Variants in TGM2 observed in about 807,000 individuals in gnomAD.
The protein encoded by TGM2 is protein-glutamine gamma-glutamyltransferase 2.
A neutral mutation model predicts 75.6 loss-of-function variants in TGM2; 53 were observed. That is an observed-to-expected ratio of 0.70 (90% CI 0.56 to 0.88). The LOEUF (loss-of-function observed/expected upper bound fraction) is 0.88, where lower values mean the gene tolerates loss of function less well. TGM2 is among the 40% of genes least tolerant of loss of function. The probability of loss-of-function intolerance (pLI) is 0.00; values close to 1 mark genes in which losing one functional copy is unlikely to be tolerated. For missense variants in TGM2, 842 were observed against 928.5 expected (o/e 0.91, Z 1.21); for synonymous variants, 374 against 381.1 (o/e 0.98, Z 0.22).
At chr20:38,136,623 T>G (rs1331821642) in intron 10 of TGM2, among the ~76,000 whole-genome samples, 1 of 152,206 alleles carries the variant, frequency 6.6e-6, no homozygotes, top group Non-Finnish European at 1.5e-5. Context: ...GACGATGTCC[T>G]ACTTGATTCC....
At chr20:38,138,898 A>G (rs774789238) in intron 9 of TGM2, among the ~76,000 whole-genome samples, 2 of 151,804 alleles carry the variant, frequency 1.3e-5, no homozygotes, top group East Asian at 3.9e-4. Flanking sequence ...TGTTGGGTGC[A>G]TATCTATTTA....
chr20:38,165,993 C>G (rs946933401), upstream of TGM2, among the ~76,000 whole-genome samples: 1 of 125,894 alleles, frequency 7.9e-6, no homozygotes, highest in Non-Finnish European at 1.9e-5. Flanking sequence ...ACACAGACCT[C>G]CTAGACACCA....
intron 8 of TGM2, among the ~76,000 whole-genome samples, chr20:38,140,339 C>T (rs2074956251): frequency 6.6e-6 from 1 of 152,244 alleles, no homozygotes; most frequent in Non-Finnish European, 1.5e-5. Flanking sequence ...AGAAAACTAT[C>T]TGCTGGAGAA....
Position 38,141,263 on chromosome 20 carries a change from A to G in TGM2, c.1099+19T>C. Reference sequence around the variant, plus strand: ...TCGTCTTCCCCATCTGTTTGACGCGACAGTGCCCGCCCACGCACCTTCGCT... The same window carrying G: ...TCGTCTTCCCCATCTGTTTGACGCGGCAGTGCCCGCCCACGCACCTTCGCT... On this transcript the variant is annotated intron_variant, in intron 8 of 12. Transcript: ENST00000361475. The G allele has an allele frequency of 6.5e-7, 1 of 1,550,224 alleles. No homozygotes were observed. The highest frequency in any genetic ancestry group is 8.7e-7 in the Non-Finnish European group (1 of 1,144,324).
chr20:38,148,385 C>T (rs548483177), intron 4 of TGM2, among the ~76,000 whole-genome samples: 34 of 152,276 alleles, frequency 2.2e-4, no homozygotes, highest in African/African-American at 7.7e-4. Flanking sequence ...GTGGGCAGCC[C>T]GGTGTCCCTG....
At chr20:38,134,821 A>T (rs1486877358) in intron 10 of TGM2, among the ~76,000 whole-genome samples, 1 of 152,240 alleles carries the variant, frequency 6.6e-6, no homozygotes, top group African/African-American at 2.4e-5. Flanking sequence ...GTCCACCAGC[A>T]CACGGAAATT....
At chr20:38,141,932 C>T in intron 7 of TGM2, 132 bp downstream of exon 7, 1 of 1,127,724 alleles carries the variant, frequency 8.9e-7, no homozygotes. Context: ...AGGCCTTCCC[C>T]AAGCCTGCTC....
chr20:38,153,745 C>T (rs931129573), intron 3 of TGM2, among the ~76,000 whole-genome samples: 14 of 152,102 alleles, frequency 9.2e-5, no homozygotes, highest in Non-Finnish European at 2.1e-4. Flanking sequence ...CGCAAAATAT[C>T]TAACAATGGT....
chr20:38,138,425 T>C lies in TGM2; in HGVS notation c.1343-40A>G, dbSNP rs1204787134. 5 of 1,612,220 alleles carry C rather than the reference T, an allele frequency of 3.1e-6. No individual in the cohort carries two copies. In the Admixed American group the frequency reaches 5.0e-5, roughly 16 times the overall value. ...AAGAGAGCCTCAATCACAGCTGGAA[T>C]AGATCACAGGAAGGGGGCTGCAACA... On this transcript the variant is annotated intron_variant, in intron 9 of 12. Transcript: ENST00000361475.
chr20:38,168,381 G>A (rs1235639445), upstream of TGM2, among the ~76,000 whole-genome samples: 1 of 152,210 alleles, frequency 6.6e-6, no homozygotes, highest in African/African-American at 2.4e-5. Flanking sequence ...ACCTCACCGG[G>A]GCTGTAAAGG....
At chr20:38,132,827 C>T in intron 10 of TGM2, 1 of 475,338 alleles carries the variant, frequency 2.1e-6, no homozygotes, top group Non-Finnish European at 4.2e-6. Context: ...GGCACAGGCA[C>T]TCCTAAGGCT....
rs774750230 is a variant in TGM2 at position 38,132,369 on chromosome 20, A to G, written c.1747T>C (p.Tyr583His). 2.5e-6 allele frequency: 4 copies of G among 1,614,034 alleles called. No individual in the cohort carries two copies. The South Asian group carries it at 4.4e-5, about 18-fold the overall frequency. ...NSYLLAERDL[Y>H]LENPEIKIRI... ...ATCTTGATTTCTGGATTCTCCAGGT[A>G]GAGGTCCCTCTCAGCCAGCAGGTAG... Residue 583 changes from tyrosine (Y) to histidine (H), a missense_variant, in exon 11 of 13, where the codon TAC (tyrosine) becomes CAC (histidine). Physicochemically the swap from Tyr to His is moderately conservative, Grantham distance 83. Coordinates refer to ENST00000361475, the MANE Select transcript of TGM2 (RefSeq NM_004613.4).
chr20:38,148,820 T>A (rs1304119024), intron 4 of TGM2, among the ~76,000 whole-genome samples: 1 of 152,172 alleles, frequency 6.6e-6, no homozygotes, highest in Non-Finnish European at 1.5e-5. Context: ...ATCCTTGCCA[T>A]TCAAATGTCA....
chr20:38,147,293 C>A (rs1272491352), intron 5 of TGM2, among the ~76,000 whole-genome samples: 1 of 152,120 alleles, frequency 6.6e-6, no homozygotes, highest in Non-Finnish European at 1.5e-5. Flanking sequence ...AGCCTCCTGA[C>A]CATGATCCAA....
chr20:38,136,259 G>A (rs2074899300), intron 10 of TGM2, among the ~76,000 whole-genome samples: 7 of 152,218 alleles, frequency 4.6e-5, no homozygotes, highest in Admixed American at 3.9e-4. Context: ...CCGCAACACA[G>A]ACCTGCTTTC....
At chr20:38,156,531 C>T (rs767004262) in intron 2 of TGM2, among the ~76,000 whole-genome samples, 5 of 152,248 alleles carry the variant, frequency 3.3e-5, no homozygotes, top group Non-Finnish European at 5.9e-5. Flanking sequence ...TACCTGCTAG[C>T]GTCCCGCTTT....
intron 1 of TGM2, among the ~76,000 whole-genome samples, chr20:38,164,137 A>T (rs889345414): frequency 1.3e-5 from 2 of 151,210 alleles, no homozygotes; most frequent in African/African-American, 4.9e-5. Context: ...GAGAAGATGC[A>T]TTGAGGACAA....
intron 12 of TGM2, 85 bp downstream of exon 12, chr20:38,131,008 G>A (rs561253877): frequency 1.9e-6 from 3 of 1,592,574 alleles, no homozygotes; most frequent in Admixed American, 1.7e-5. Flanking sequence ...TTTCAGCCAG[G>A]GCTTGGTACC....
chr20:38,132,310 G>T, intron 11 of TGM2, 30 bp downstream of exon 11: 2 of 1,613,644 alleles, frequency 1.2e-6, no homozygotes, highest in South Asian at 1.1e-5. Flanking sequence ...GCTGCCCTGG[G>T]ACCCTGCCCC....
Sources: allele counts gnomAD v4.1 joint callset (sites outside exome capture counted in the v4.1 genomes callset), GRCh38; gene constraint gnomAD v4.1.1; transcripts MANE v1.5; gene names NCBI Gene and HGNC (gene_info 2026-07-23, HGNC 2026-07-21).